The following FCHO2 variants were observed in gnomAD, a reference collection of about 807,000 sequenced individuals.
The protein encoded by FCHO2 is FCH and mu domain containing endocytic adaptor 2.
A neutral mutation model predicts 114.1 loss-of-function variants in FCHO2; 43 were observed. The observed-to-expected ratio is 0.38, with a 90% confidence interval of 0.30 to 0.49. The LOEUF (loss-of-function observed/expected upper bound fraction) is 0.49, where lower values mean the gene tolerates loss of function less well. Ranked by LOEUF, FCHO2 falls within the 20% of genes least tolerant of loss-of-function variation. The pLI, the probability that FCHO2 is intolerant of heterozygous loss-of-function variation, is 0.97. For synonymous variants in FCHO2, 293 were observed against 315.2 expected, an observed-to-expected ratio of 0.93 and a Z score of 0.75; for missense variants, 807 against 950.4, an observed-to-expected ratio of 0.85 and a Z score of 1.98.
intron 1 of FCHO2, among the ~76,000 whole-genome samples, chr5:72,967,414 A>G (rs1752261509): frequency 2.0e-5 from 3 of 152,184 alleles, no homozygotes. Context: ...ATTTTGTGAT[A>G]CTCAATGCTG....
rs141857037 is a variant in FCHO2, at chr5:72,986,259, C to T, written c.126-3168C>T. The stretch of plus-strand genomic sequence containing the variant: ...ATTTGCATTTTTTTTTTCTTTTTTG[C>T]AAATTTGGTGTGCTTTCCTCCACTT... On this transcript the variant is annotated intron_variant, in intron 2 of 25. Coordinates refer to ENST00000430046, the MANE Select transcript of FCHO2 (RefSeq NM_138782.3). Among the ~76,000 whole-genome samples, 282 of 150,402 alleles carry T rather than the reference C, an allele frequency of 1.9e-3. 3 individuals are homozygous for T. The highest frequency in any genetic ancestry group is 6.5e-3 in the African/African-American group (265 of 40,964).
intron 5 of FCHO2, among the ~76,000 whole-genome samples, chr5:73,005,971 T>C (rs1029177850): frequency 3.9e-5 from 6 of 152,174 alleles, no homozygotes; most frequent in African/African-American, 7.2e-5. Flanking sequence ...GATAGGTTTA[T>C]AGTTTATAGA....
At chr5:73,016,752 T>G (rs1454607816) in intron 7 of FCHO2, among the ~76,000 whole-genome samples, 1 of 151,972 alleles carries the variant, frequency 6.6e-6, no homozygotes, top group Non-Finnish European at 1.5e-5. Flanking sequence ...TAAAAAATTT[T>G]TGGGTGTGGT....
chr5:72,988,721 G>T (rs1449010805), intron 2 of FCHO2, among the ~76,000 whole-genome samples: 2 of 152,144 alleles, frequency 1.3e-5, no homozygotes, highest in Non-Finnish European at 2.9e-5. Flanking sequence ...TTAATCTCTT[G>T]TTCTATTAAA....
chr5:73,003,736 G>A (rs780705387), intron 5 of FCHO2, among the ~76,000 whole-genome samples: 11 of 152,112 alleles, frequency 7.2e-5, no homozygotes, highest in African/African-American at 2.4e-4. Flanking sequence ...ATTATGCTAG[G>A]CTGTGTCATT....
intron 5 of FCHO2, among the ~76,000 whole-genome samples, chr5:72,992,193 C>T (rs1333926121): frequency 1.3e-5 from 2 of 152,010 alleles, no homozygotes; most frequent in African/African-American, 4.8e-5. Context: ...ATCTCAGGAC[C>T]TTCTGGGGAC....
At chr5:73,072,658 C>T (rs1157050793) in intron 19 of FCHO2, among the ~76,000 whole-genome samples, 1 of 151,998 alleles carries the variant, frequency 6.6e-6, no homozygotes, top group Non-Finnish European at 1.5e-5. Flanking sequence ...TATGCTTCCA[C>T]TTATATGAGG....
Position 73,081,940 on chromosome 5 carries a change from A to G in FCHO2, c.2138A>G (p.Asp713Gly). ...LSNIQVVVPV[D>G]GGVTNMQSLP... ...AACATACAGGTGGTGGTACCAGTGGATGGAGGAGTAACGAACATGCAGTCC... is the reference window on the plus strand; with the variant it reads ...AACATACAGGTGGTGGTACCAGTGGGTGGAGGAGTAACGAACATGCAGTCC... Residue 713 changes from aspartate to glycine, a missense_variant, in exon 23 of 26, where the codon GAT becomes GGT. Coordinates refer to ENST00000430046, the MANE Select transcript of FCHO2 (RefSeq NM_138782.3). 6.2e-7 allele frequency: 1 copy of G among 1,603,280 alleles called. No homozygotes were observed. The highest frequency in any genetic ancestry group is 8.5e-7 in the Non-Finnish European group (1 of 1,174,224).
intron 2 of FCHO2, among the ~76,000 whole-genome samples, chr5:72,979,032 C>T (rs1239862572): frequency 3.9e-5 from 6 of 152,000 alleles, no homozygotes; most frequent in East Asian, 3.9e-4. Context: ...TGAGGATTTT[C>T]GCACTGATGT....
intron 8 of FCHO2, among the ~76,000 whole-genome samples, chr5:73,028,203 A>G (rs1413786281): frequency 6.6e-6 from 1 of 152,176 alleles, no homozygotes; most frequent in Admixed American, 6.5e-5. Context: ...TCTGGGAAAA[A>G]GAAAAAAAGA....
At chr5:73,047,597 G>A (rs955279113) in intron 11 of FCHO2, among the ~76,000 whole-genome samples, 3 of 140,538 alleles carry the variant, frequency 2.1e-5, no homozygotes, top group Non-Finnish European at 4.6e-5. Context: ...TAGTATAATC[G>A]TTCCTCAGTG....
At chr5:72,997,479 G>A (rs550786906) in intron 5 of FCHO2, 165 of 1,546,738 alleles carry the variant, frequency 1.1e-4, no homozygotes, top group Admixed American at 1.2e-4. Context: ...AACTCTCCAG[G>A]GGTTTACAGG....
intron 24 of FCHO2, among the ~76,000 whole-genome samples, chr5:73,087,346 G>A (rs1381610603): frequency 6.6e-6 from 1 of 152,130 alleles, no homozygotes; most frequent in Non-Finnish European, 1.5e-5. Flanking sequence ...TAGCATAGGA[G>A]TCCAGTAGTT....
chr5:72,983,116 G>A (rs964336141), intron 2 of FCHO2, among the ~76,000 whole-genome samples: 17 of 151,992 alleles, frequency 1.1e-4, no homozygotes, highest in African/African-American at 3.9e-4. Flanking sequence ...GTTTCATCAT[G>A]TTATCCAGGA....
intron 13 of FCHO2, among the ~76,000 whole-genome samples, chr5:73,053,627 C>T (rs187094338): frequency 6.7e-5 from 10 of 148,960 alleles, no homozygotes; most frequent in East Asian, 2.0e-4. Flanking sequence ...AACCATGAGG[C>T]GGAGGTTGAA....
chr5:72,961,011 T>C (rs187046252), intron 1 of FCHO2, among the ~76,000 whole-genome samples: 1 of 152,266 alleles, frequency 6.6e-6, no homozygotes, highest in Non-Finnish European at 1.5e-5. Flanking sequence ...AGTTTTTCCT[T>C]ATTTCTTTTA....
intron 2 of FCHO2, among the ~76,000 whole-genome samples, chr5:72,987,738 T>A (rs1049851859): frequency 3.3e-5 from 5 of 152,216 alleles, no homozygotes; most frequent in African/African-American, 1.2e-4. Flanking sequence ...GTGAACAAAG[T>A]ATTACTCTTG....
chr5:73,042,056 G>T (rs919037559), intron 11 of FCHO2, among the ~76,000 whole-genome samples: 2 of 152,040 alleles, frequency 1.3e-5, no homozygotes, highest in Non-Finnish European at 2.9e-5. Flanking sequence ...GCATCATAGT[G>T]TAACAAAATA....
At chr5:73,008,211 GGATGTGACATGA>G (rs1191306128) in intron 6 of FCHO2, among the ~76,000 whole-genome samples, 1 of 152,146 alleles carries the variant, frequency 6.6e-6, no homozygotes, top group East Asian at 1.9e-4. Context: ...TTTTAGGCAG[GGATGTGACATGA>G]TCTGATCTAC....
Sources: allele counts gnomAD v4.1 joint callset (sites outside exome capture counted in the v4.1 genomes callset), GRCh38; gene constraint gnomAD v4.1.1; transcripts MANE v1.5; gene names NCBI Gene and HGNC (gene_info 2026-07-23, HGNC 2026-07-21).